Variants in NEK1 observed in about 807,000 individuals in gnomAD.
The protein encoded by NEK1 is serine/threonine-protein kinase Nek1.
In NEK1, 137 loss-of-function variants were observed where a neutral mutation model predicts 182.1. That is an observed-to-expected ratio of 0.75 (90% CI 0.65 to 0.87). The LOEUF is 0.87. Ranked by LOEUF, NEK1 falls within the 40% of genes least tolerant of loss-of-function variation. The pLI, the probability that NEK1 is intolerant of heterozygous loss-of-function variation, is 0.00. For missense variants in NEK1, 1,391 were observed against 1,494.4 expected, an observed-to-expected ratio of 0.93 and a Z score of 1.14; for synonymous variants, 513 against 492.2, an observed-to-expected ratio of 1.04 and a Z score of -0.56.
chr4:169,502,297 A>G (rs1752550169), intron 23 of NEK1, among the ~76,000 whole-genome samples: 1 of 151,480 alleles, frequency 6.6e-6, no homozygotes, highest in South Asian at 2.1e-4. Flanking sequence ...ATAGATTCAC[A>G]AGATATACAA....
At chr4:169,484,737 G>C (rs1211405746) in intron 23 of NEK1, among the ~76,000 whole-genome samples, 2 of 152,152 alleles carry the variant, frequency 1.3e-5, no homozygotes, top group African/African-American at 4.8e-5. Flanking sequence ...AGATAAAGTA[G>C]GACAGTTGTA....
chr4:169,523,739 A>T (rs115051492), intron 19 of NEK1, among the ~76,000 whole-genome samples: 2 of 152,248 alleles, frequency 1.3e-5, no homozygotes, highest in African/African-American at 2.4e-5. Flanking sequence ...TAAGCTTTCA[A>T]TAAATAGTTA....
intron 33 of NEK1, among the ~76,000 whole-genome samples, chr4:169,401,219 T>C (rs1321221126): frequency 6.6e-6 from 1 of 152,216 alleles, no homozygotes; most frequent in Non-Finnish European, 1.5e-5. Context: ...ACACTTTCTA[T>C]GCATCTTAGG....
chr4:169,454,376 C>T (rs1400253615), intron 27 of NEK1, among the ~76,000 whole-genome samples: 1 of 152,130 alleles, frequency 6.6e-6, no homozygotes, highest in African/African-American at 2.4e-5. Flanking sequence ...AAAGAAACTA[C>T]CATCATAGTC....
chr4:169,438,293 T>G, intron 27 of NEK1, 34 bp from the exon 28 acceptor site: 1 of 1,485,332 alleles, frequency 6.7e-7, no homozygotes, highest in South Asian at 1.3e-5. Flanking sequence ...TCATGCTAGT[T>G]CTCAAAATGA....
intron 19 of NEK1, among the ~76,000 whole-genome samples, chr4:169,515,477 C>T (rs889979321): frequency 1.3e-5 from 2 of 150,364 alleles, no homozygotes; most frequent in African/African-American, 4.9e-5. Context: ...TTGGTGTATA[C>T]ATATTTAGGA....
chr4:169,405,945 A>G (rs1003666230), intron 32 of NEK1, among the ~76,000 whole-genome samples: 3 of 152,088 alleles, frequency 2.0e-5, no homozygotes, highest in African/African-American at 7.2e-5. Flanking sequence ...CTCTACCAAA[A>G]ATACAAAAAT....
At chr4:169,607,709 C>T (rs181895091) in intron 2 of NEK1, among the ~76,000 whole-genome samples, 36 of 152,078 alleles carry the variant, frequency 2.4e-4, no homozygotes, top group Admixed American at 5.9e-4. Flanking sequence ...GTGATCCGCC[C>T]GCCTCAGCCT....
intron 19 of NEK1, among the ~76,000 whole-genome samples, chr4:169,514,581 C>T (rs1754791406): frequency 1.3e-5 from 2 of 152,180 alleles, no homozygotes; most frequent in Admixed American, 6.6e-5. Context: ...TCTGTTTCAA[C>T]TTGGCTAAGT....
At chr4:169,509,216 T>C (rs933992692) in intron 19 of NEK1, among the ~76,000 whole-genome samples, 1 of 152,144 alleles carries the variant, frequency 6.6e-6, no homozygotes, top group Admixed American at 6.6e-5. Context: ...TTTCGACATA[T>C]GTCTATATAT....
intron 26 of NEK1, 44 bp from the exon 27 acceptor site, chr4:169,463,439 A>C (rs1460344997): frequency 7.0e-7 from 1 of 1,437,044 alleles, no homozygotes; most frequent in South Asian, 1.3e-5. Context: ...ATAACAGTAT[A>C]ATAATACTGC....
chr4:169,526,190 A>G (rs976534782), intron 19 of NEK1, among the ~76,000 whole-genome samples: 5 of 152,218 alleles, frequency 3.3e-5, no homozygotes, highest in African/African-American at 9.6e-5. Context: ...AAAATTTTAA[A>G]TTCATCAAAA....
At chr4:169,583,348 A>AGGTT (rs1766995615) in intron 10 of NEK1, among the ~76,000 whole-genome samples, 1 of 152,202 alleles carries the variant, frequency 6.6e-6, no homozygotes, top group Admixed American at 6.5e-5. Context: ...CAGCAGATAA[A>AGGTT]GGTTTTTATC....
At chr4:169,583,764 A>G (rs983914206) in intron 10 of NEK1, among the ~76,000 whole-genome samples, 19 of 152,240 alleles carry the variant, frequency 1.2e-4, no homozygotes, top group Non-Finnish European at 2.1e-4. Context: ...TTTATAACAA[A>G]GGAGTCTTGT....
intron 31 of NEK1, among the ~76,000 whole-genome samples, chr4:169,423,129 G>A (rs892893209): frequency 6.6e-6 from 1 of 152,260 alleles, no homozygotes; most frequent in Middle Eastern, 3.4e-3. Context: ...TTGAGACAGA[G>A]ACTCACTCTG....
At chr4:169,447,903 T>C (rs1033873969) in intron 27 of NEK1, among the ~76,000 whole-genome samples, 9 of 151,932 alleles carry the variant, frequency 5.9e-5, no homozygotes, top group African/African-American at 2.2e-4. Context: ...ATAAACATTA[T>C]GTGAGGTGTG....
chr4:169,537,925 A>G lies in NEK1; in HGVS notation c.1563-14T>C. On this transcript the variant is annotated splice_polypyrimidine_tract_variant and intron_variant, in intron 18 of 35. Coordinates refer to ENST00000507142, the MANE Select transcript of NEK1 (RefSeq NM_001199397.3). ...TGCCCTTTTTGCCTAATTTGGACAA[A>G]TCACAAAGTCAGCCATCCTGAACAG... 3.9e-6 allele frequency: 6 copies of G among 1,555,500 alleles called. No homozygotes were observed. Among genetic ancestry groups the G allele is most frequent in the Non-Finnish European group, 5.3e-6 (6 of 1,139,140 alleles).
intron 32 of NEK1, among the ~76,000 whole-genome samples, chr4:169,404,232 A>G (rs1190326995): frequency 6.6e-6 from 1 of 152,172 alleles, no homozygotes; most frequent in East Asian, 1.9e-4. Context: ...TAGGATTAAT[A>G]AAAACACAAT....
intron 23 of NEK1, among the ~76,000 whole-genome samples, chr4:169,489,517 CATT>C (rs1749672806): frequency 6.6e-6 from 1 of 152,130 alleles, no homozygotes; most frequent in Admixed American, 6.5e-5. Flanking sequence ...AGGGTGGAGT[CATT>C]GTTGTGCTAT....
Sources: allele counts gnomAD v4.1 joint callset (sites outside exome capture counted in the v4.1 genomes callset), GRCh38; gene constraint gnomAD v4.1.1; transcripts MANE v1.5; gene names NCBI Gene and HGNC (gene_info 2026-07-23, HGNC 2026-07-21).